PRKN: variants seen among roughly 807,000 people sequenced by gnomAD.
PRKN encodes E3 ubiquitin-protein ligase parkin.
In PRKN, 56 loss-of-function variants were observed where a neutral mutation model predicts 59.5. The ratio of observed to expected loss-of-function variants is 0.94; its 90% CI spans 0.76 to 1.18. The LOEUF (loss-of-function observed/expected upper bound fraction) is 1.18, where lower values mean the gene tolerates loss of function less well. Ranked by LOEUF, PRKN falls within the 50% of genes most tolerant of loss-of-function variation. PRKN has a pLI of 0.00. For synonymous variants in PRKN, 250 were observed against 222.1 expected (o/e 1.13, Z -1.12); for missense variants, 657 against 596.4 (o/e 1.10, Z -1.06).
chr6:162,397,404 G>A (rs953782437), intron 2 of PRKN, among the ~76,000 whole-genome samples: 13 of 151,704 alleles, frequency 8.6e-5, no homozygotes, highest in African/African-American at 2.2e-4. Flanking sequence ...TTTTTCTTAC[G>A]CCAGTCTGGC....
chr6:162,277,600 GTAAA>G (rs528992370), intron 2 of PRKN, among the ~76,000 whole-genome samples: 8 of 152,066 alleles, frequency 5.3e-5, no homozygotes, highest in Non-Finnish European at 1.2e-4. Context: ...AAACTCATCA[GTAAA>G]TAAATAAACA....
At chr6:161,722,905 T>A (rs1050313184) in intron 7 of PRKN, among the ~76,000 whole-genome samples, 1 of 152,180 alleles carries the variant, frequency 6.6e-6, no homozygotes, top group African/African-American at 2.4e-5. Flanking sequence ...TACTTTTAGC[T>A]CTTGAAACAT....
intron 1 of PRKN, among the ~76,000 whole-genome samples, chr6:162,624,014 C>T (rs1163290521): frequency 1.3e-5 from 2 of 151,984 alleles, no homozygotes; most frequent in African/African-American, 4.8e-5. Context: ...TTTGGGAGGC[C>T]GAGGTGGGCG....
Position 161,352,309 on chromosome 6 carries a change from C to T in PRKN, c.1286-2098G>A, listed in dbSNP as rs955888019. ...AGGCATTTGTTTTAAGATAACTTGC[C>T]GACATGCAAAATCTCCTGTTTTCCT... On this transcript the variant is annotated intron_variant, in intron 11 of 11. Transcript: ENST00000366898. The surrounding 1 kb of genome is among the most constrained non-coding windows in gnomAD (Gnocchi z 5.8). Among the ~76,000 whole-genome samples, 3 of 152,002 alleles carry T rather than the reference C, an allele frequency of 2.0e-5. No individual in the cohort carries two copies. The highest frequency in any genetic ancestry group is 4.8e-5 in the African/African-American group (2 of 41,386).
At chr6:161,619,338 TTTC>T (rs1190449436) in intron 7 of PRKN, among the ~76,000 whole-genome samples, 1,560 of 151,574 alleles carry the variant, frequency 0.01, 27 homozygotes, top group South Asian at 0.023. Context: ...TTTTTTTTTT[TTTC>T]TTCTCCTTAC....
intron 2 of PRKN, among the ~76,000 whole-genome samples, chr6:162,391,251 A>C (rs1787173125): frequency 6.6e-6 from 1 of 151,892 alleles, no homozygotes; most frequent in Non-Finnish European, 1.5e-5. Context: ...CTTACTGCGC[A>C]TGCTTGACGT....
At chr6:162,512,383 C>A (rs904695253) in intron 1 of PRKN, among the ~76,000 whole-genome samples, 1 of 152,208 alleles carries the variant, frequency 6.6e-6, no homozygotes, top group Non-Finnish European at 1.5e-5. Flanking sequence ...GCACTGCTAA[C>A]TGCATATTCT....
chr6:161,967,749 C>CT (rs1224111205), intron 6 of PRKN, among the ~76,000 whole-genome samples: 1 of 152,144 alleles, frequency 6.6e-6, no homozygotes, highest in Non-Finnish European at 1.5e-5. Flanking sequence ...TTTGTGGCTG[C>CT]TTTTTCCCTA....
intron 6 of PRKN, among the ~76,000 whole-genome samples, chr6:161,813,606 C>A (rs1039521931): frequency 2.6e-5 from 4 of 152,200 alleles, no homozygotes; most frequent in Non-Finnish European, 2.9e-5. Context: ...ATCACCATGA[C>A]GACTCTCTGC....
In PRKN at chr6:161,385,392, T is replaced by C. The variant is rs973142913; in HGVS notation, c.1167+1402A>G. Among the ~76,000 whole-genome samples the C allele has an allele frequency of 2.0e-5, 3 of 152,194 alleles. No homozygotes were observed. The highest frequency in any genetic ancestry group is 6.5e-5 in the Admixed American group (1 of 15,286). On this transcript the variant is annotated intron_variant, in intron 10 of 11. Coordinates refer to ENST00000366898, the MANE Select transcript of PRKN (RefSeq NM_004562.3). This position sits in a 1 kb window ranked among gnomAD's most constrained non-coding sequence, Gnocchi z 4.9. ...TCTCTAACTTTCTTTTTCCTATTTT[T>C]CTGAATCCAATATTAAGGTTTTAAC...
chr6:162,537,514 G>C (rs1778766153), intron 1 of PRKN, among the ~76,000 whole-genome samples: 1 of 152,108 alleles, frequency 6.6e-6, no homozygotes, highest in Admixed American at 6.6e-5. Flanking sequence ...CTGCAGCCTG[G>C]GGGATCTCTC....
chr6:162,331,947 T>C (rs1783599982), intron 2 of PRKN, among the ~76,000 whole-genome samples: 1 of 152,200 alleles, frequency 6.6e-6, no homozygotes, highest in South Asian at 2.1e-4. Flanking sequence ...TTTAGTGGGA[T>C]GTATTCAGAT....
intron 6 of PRKN, among the ~76,000 whole-genome samples, chr6:161,957,113 T>C (rs1780197962): frequency 6.6e-6 from 1 of 152,230 alleles, no homozygotes; most frequent in South Asian, 2.1e-4. Context: ...CTTACTGTCA[T>C]ACGTGTAAAG....
chr6:161,777,478 C>G (rs912830759), intron 7 of PRKN, among the ~76,000 whole-genome samples: 1 of 151,406 alleles, frequency 6.6e-6, no homozygotes, highest in African/African-American at 2.4e-5. Flanking sequence ...GAAAGAGACA[C>G]AAAAAACTAG....
At chr6:162,365,236 T>C (rs1785372219) in intron 2 of PRKN, among the ~76,000 whole-genome samples, 1 of 152,186 alleles carries the variant, frequency 6.6e-6, no homozygotes, top group Non-Finnish European at 1.5e-5. Context: ...ATGTATATTT[T>C]GATATTGTAT....
At chr6:162,498,433 C>CTT (rs1414106751) in intron 1 of PRKN, among the ~76,000 whole-genome samples, 2 of 16,380 alleles carry the variant, frequency 1.2e-4, no homozygotes, top group Non-Finnish European at 2.6e-4. Context: ...AGTTTCTTTC[C>CTT]TTTTTCTTTT....
At position 161,677,392 on chromosome 6, in the gene PRKN, T is replaced by C. The variant is rs76334576; in HGVS notation, c.872-107976A>G. On this transcript the variant is annotated intron_variant, in intron 7 of 11. Transcript: ENST00000366898. ...TGATGTCACATGACACTGTATGATATCACAAATAGAAATGCGGACTCTGAT... is the reference window on the plus strand; with the variant it reads ...TGATGTCACATGACACTGTATGATACCACAAATAGAAATGCGGACTCTGAT... 9.6e-3 allele frequency among the ~76,000 whole-genome samples: 1,455 copies of C among 152,260 alleles called. 27 individuals carry two copies. The highest frequency in any genetic ancestry group is 0.034 in the African/African-American group (1,395 of 41,548).
At chr6:161,989,189 G>C (rs1038020264) in intron 5 of PRKN, among the ~76,000 whole-genome samples, 1 of 152,202 alleles carries the variant, frequency 6.6e-6, no homozygotes, top group Non-Finnish European at 1.5e-5. Flanking sequence ...GAATTAAATT[G>C]ATGGATATGT....
chr6:161,461,722 A>G lies in PRKN; in HGVS notation c.1084-74845T>C, dbSNP rs373420356. On this transcript the variant is annotated intron_variant, in intron 9 of 11. Coordinates refer to ENST00000366898, the MANE Select transcript of PRKN (RefSeq NM_004562.3). The surrounding 1 kb of genome is among the most constrained non-coding windows in gnomAD (Gnocchi z 5.1). ...GCATGTGGGTGAGGGAAGAGGTGGA[A>G]AAATGAGCTCAAATATTGACATTTT... is the stretch of plus-strand genomic sequence containing the variant. Among the ~76,000 whole-genome samples, 124 of 152,296 alleles carry G rather than the reference A, an allele frequency of 8.1e-4. 2 individuals carry two copies. The highest frequency in any genetic ancestry group is 2.8e-3 in the African/African-American group (116 of 41,568).
Sources: gnomAD v4.1 joint callset for allele counts (sites outside exome capture counted in the v4.1 genomes callset) on GRCh38, gnomAD v4.1.1 for gene constraint, Gnocchi (gnomAD v3.1) non-coding constraint, MANE v1.5 for transcripts, NCBI Gene and HGNC (gene_info 2026-07-23, HGNC 2026-07-21) for gene names.